The following FNDC3B variants were observed in gnomAD, a reference collection of about 807,000 sequenced individuals.
FNDC3B encodes fibronectin type III domain containing 3B.
Under a neutral mutation model 151.5 loss-of-function variants are expected in FNDC3B, and 12 were observed. That is an observed-to-expected ratio of 0.08 (90% CI 0.05 to 0.13). FNDC3B has a LOEUF of 0.13. Among genes scored for constraint, FNDC3B ranks in the 10% least tolerant of loss-of-function variants. FNDC3B has a pLI of 1.00. For synonymous variants in FNDC3B, 528 were observed against 549.0 expected (o/e 0.96, Z 0.54); for missense variants, 1,214 against 1,505.3 (o/e 0.81, Z 3.20).
At chr3:172,322,738 A>G (rs540010492) in intron 11 of FNDC3B, among the ~76,000 whole-genome samples, 6 of 137,294 alleles carry the variant, frequency 4.4e-5, no homozygotes, top group African/African-American at 2.2e-4. Context: ...AGACAGGGAG[A>G]GTGGGGGCAA....
intron 2 of FNDC3B, 76 bp downstream of exon 2, chr3:172,112,666 G>T: frequency 9.8e-7 from 1 of 1,024,640 alleles, no homozygotes; most frequent in South Asian, 1.3e-5. Context: ...ATTTATTTTG[G>T]GATTCAAAGG....
intron 6 of FNDC3B, among the ~76,000 whole-genome samples, chr3:172,275,593 A>G (rs1729394481): frequency 6.6e-6 from 1 of 152,218 alleles, no homozygotes; most frequent in African/African-American, 2.4e-5. Flanking sequence ...AATATGTTTT[A>G]GAGAATAAAA....
At chr3:172,160,129 G>A (rs1722696298) in intron 3 of FNDC3B, among the ~76,000 whole-genome samples, 1 of 152,164 alleles carries the variant, frequency 6.6e-6, no homozygotes, top group African/African-American at 2.4e-5. Flanking sequence ...GCATGGTCCT[G>A]AAGCCAAGGG....
intron 11 of FNDC3B, among the ~76,000 whole-genome samples, chr3:172,311,949 C>T (rs1388287763): frequency 6.6e-6 from 1 of 151,712 alleles, no homozygotes; most frequent in Admixed American, 6.6e-5. Context: ...TTCATTTGCC[C>T]CCACTTTATG....
intron 1 of FNDC3B, among the ~76,000 whole-genome samples, chr3:172,100,278 T>C (rs4624592): frequency 0.056 from 8,529 of 152,282 alleles, 371 homozygotes; most frequent in East Asian, 0.23. Context: ...GCTGCTTACT[T>C]TTTCTTAACA....
intron 1 of FNDC3B, among the ~76,000 whole-genome samples, chr3:172,109,309 G>A (rs1719840646): frequency 6.6e-6 from 1 of 151,996 alleles, no homozygotes; most frequent in Non-Finnish European, 1.5e-5. Context: ...GGGACTACAG[G>A]CGCCCGCCAC....
intron 23 of FNDC3B, among the ~76,000 whole-genome samples, chr3:172,376,468 G>A (rs1337165348): frequency 2.0e-5 from 3 of 152,296 alleles, no homozygotes; most frequent in South Asian, 2.1e-4. Flanking sequence ...TAATGAAGAT[G>A]TAACACTTTC....
chr3:172,190,857 C>T (rs939157984), intron 3 of FNDC3B, among the ~76,000 whole-genome samples: 26 of 152,028 alleles, frequency 1.7e-4, no homozygotes, highest in African/African-American at 4.6e-4. Context: ...TTAGTAGAGA[C>T]GGGGTCTCTT....
intron 1 of FNDC3B, among the ~76,000 whole-genome samples, chr3:172,067,647 A>G (rs1388369295): frequency 4.6e-5 from 7 of 152,176 alleles, no homozygotes; most frequent in East Asian, 1.9e-4. Context: ...TTTTTGGTAC[A>G]GTCTTTGCAC....
chr3:172,379,136 CA>C (rs543239472), intron 24 of FNDC3B, among the ~76,000 whole-genome samples: 51 of 152,282 alleles, frequency 3.3e-4, no homozygotes, highest in African/African-American at 9.1e-4. Context: ...GGCTGACTTG[CA>C]AGGCAGGAAA....
At chr3:172,234,843 C>T (rs796616423) in intron 4 of FNDC3B, among the ~76,000 whole-genome samples, 39 of 152,108 alleles carry the variant, frequency 2.6e-4, no homozygotes, top group African/African-American at 9.4e-4. Context: ...TTTTTCTGAC[C>T]TGTTGGGTAG....
At chr3:172,110,561 A>T in intron 1 of FNDC3B, among the ~76,000 whole-genome samples, 1 of 151,860 alleles carries the variant, frequency 6.6e-6, no homozygotes, top group Non-Finnish European at 1.5e-5. Context: ...TTGTTGGATA[A>T]GAGAGAAGAG....
chr3:172,157,663 T>C (rs1009604526), intron 3 of FNDC3B, among the ~76,000 whole-genome samples: 6 of 152,354 alleles, frequency 3.9e-5, no homozygotes, highest in East Asian at 3.9e-4. Flanking sequence ...GTTTTTGAGA[T>C]TGGCTGTTTT....
intron 6 of FNDC3B, among the ~76,000 whole-genome samples, chr3:172,254,085 A>G (rs1015015178): frequency 2.6e-5 from 4 of 152,186 alleles, no homozygotes; most frequent in Non-Finnish European, 5.9e-5. Flanking sequence ...ATTTGCTTGA[A>G]TAATTTAACT....
chr3:172,328,898 A>G (rs1732488058), intron 11 of FNDC3B, 54 bp from the exon 12 acceptor site: 2 of 1,300,418 alleles, frequency 1.5e-6, no homozygotes, highest in Non-Finnish European at 2.1e-6. Flanking sequence ...ATTTAGGGTT[A>G]TCTGTTGTTT....
intron 3 of FNDC3B, among the ~76,000 whole-genome samples, chr3:172,189,633 G>T (rs1247779688): frequency 1.3e-5 from 2 of 151,896 alleles, no homozygotes; most frequent in East Asian, 3.9e-4. Context: ...GGGCAACATG[G>T]TGACACTCTG....
intron 11 of FNDC3B, among the ~76,000 whole-genome samples, chr3:172,322,028 C>T (rs1340149109): frequency 1.3e-5 from 2 of 152,212 alleles, no homozygotes; most frequent in African/African-American, 4.8e-5. Flanking sequence ...ATATAGACTT[C>T]AAAATAGATG....
intron 11 of FNDC3B, among the ~76,000 whole-genome samples, chr3:172,325,313 T>C (rs1732287707): frequency 1.3e-5 from 2 of 152,200 alleles, no homozygotes; most frequent in African/African-American, 2.4e-5. Flanking sequence ...GTGCCATAGA[T>C]TATAATCTCT....
intron 16 of FNDC3B, among the ~76,000 whole-genome samples, chr3:172,339,311 C>A (rs1733162013): frequency 6.6e-6 from 1 of 152,168 alleles, no homozygotes; most frequent in African/African-American, 2.4e-5. Flanking sequence ...CACCTGTAAT[C>A]CCAGCACTTT....
Sources: gnomAD v4.1 joint callset for allele counts (sites outside exome capture counted in the v4.1 genomes callset) on GRCh38, gnomAD v4.1.1 for gene constraint, MANE v1.5 for transcripts, NCBI Gene and HGNC (gene_info 2026-07-23, HGNC 2026-07-21) for gene names.